Variants in CNTN5 observed in about 807,000 individuals in gnomAD.
CNTN5 encodes the protein contactin 5, also known as contactin-5.
Under a neutral mutation model 129.1 loss-of-function variants are expected in CNTN5, and 77 were observed. The ratio of observed to expected loss-of-function variants is 0.60; its 90% confidence interval spans 0.50 to 0.72. The LOEUF is 0.72. Among genes scored for constraint, CNTN5 ranks in the 30% least tolerant of loss-of-function variants. CNTN5 has a pLI of 0.00. For missense variants in CNTN5, 1,478 were observed against 1,328.8 expected, an observed-to-expected ratio of 1.11 and a Z score of -1.75; for synonymous variants, 509 against 465.6, an observed-to-expected ratio of 1.09 and a Z score of -1.20.
chr11:100,263,657 G>A (rs1228841525), intron 17 of CNTN5, among the ~76,000 whole-genome samples: 1 of 152,068 alleles, frequency 6.6e-6, no homozygotes, highest in Non-Finnish European at 1.5e-5. Flanking sequence ...GTTAATTCAG[G>A]AAGGACACAT....
intron 6 of CNTN5, among the ~76,000 whole-genome samples, chr11:99,861,320 A>C (rs1948201102): frequency 6.6e-6 from 1 of 152,048 alleles, no homozygotes. Flanking sequence ...CCTTGGAGAG[A>C]TCTTTCACCT....
intron 1 of CNTN5, among the ~76,000 whole-genome samples, chr11:99,226,261 G>A (rs1363698560): frequency 2.0e-5 from 3 of 152,156 alleles, no homozygotes; most frequent in Non-Finnish European, 4.4e-5. Context: ...AGCAAACTAA[G>A]AGACACTAAC....
intron 2 of CNTN5, among the ~76,000 whole-genome samples, chr11:99,349,293 C>T (rs547259760): frequency 6.6e-6 from 1 of 152,276 alleles, no homozygotes; most frequent in East Asian, 1.9e-4. Flanking sequence ...CAATACTCCT[C>T]CATAGTCATG....
At chr11:100,049,904 G>T (rs1942869078) in intron 9 of CNTN5, among the ~76,000 whole-genome samples, 1 of 152,142 alleles carries the variant, frequency 6.6e-6, no homozygotes, top group Non-Finnish European at 1.5e-5. Context: ...TCAGAGAAAT[G>T]CAAATCAAAA....
intron 16 of CNTN5, among the ~76,000 whole-genome samples, chr11:100,229,028 T>G (rs1000477513): frequency 6.6e-6 from 1 of 152,180 alleles, no homozygotes; most frequent in African/African-American, 2.4e-5. Flanking sequence ...TCGCAGATCT[T>G]GAACTACACA....
intron 1 of CNTN5, among the ~76,000 whole-genome samples, chr11:99,147,026 T>C (rs953319697): frequency 4.6e-5 from 7 of 152,126 alleles, no homozygotes; most frequent in African/African-American, 1.2e-4. Flanking sequence ...AAGCACTATA[T>C]TGAGGACAAA....
chr11:100,032,669 A>G lies in CNTN5; in HGVS notation c.981-28543A>G, dbSNP rs147724373. On this transcript the variant is annotated intron_variant, in intron 9 of 24. Transcript: ENST00000524871. ...CGTTGATGATATTTATTTGCCTCATAATGTCGTTTTTAAACACTCAATCTG... is the reference window on the plus strand; with the variant it reads ...CGTTGATGATATTTATTTGCCTCATGATGTCGTTTTTAAACACTCAATCTG... Among the ~76,000 whole-genome samples the G allele has an allele frequency of 2.1e-3, 319 of 152,226 alleles. 1 individual carries two copies. Among genetic ancestry groups the G allele is most frequent in the African/African-American group, 7.1e-3 (295 of 41,556 alleles).
At chr11:99,702,121 A>G (rs996627093) in intron 3 of CNTN5, among the ~76,000 whole-genome samples, 3 of 151,084 alleles carry the variant, frequency 2.0e-5, no homozygotes, top group Non-Finnish European at 4.5e-5. Flanking sequence ...CACAAAAACT[A>G]CCTTATCAAG....
chr11:99,093,102 A>G (rs1866321047), intron 1 of CNTN5, among the ~76,000 whole-genome samples: 1 of 152,068 alleles, frequency 6.6e-6, no homozygotes, highest in Admixed American at 6.5e-5. Context: ...GAGAGCACAT[A>G]TAGGAGGGAC....
In CNTN5 at chr11:99,034,605, C is replaced by T. The variant is rs1243671971; in HGVS notation, c.-210+13335C>T. Among the ~76,000 whole-genome samples, 5 of 151,284 alleles carry T rather than the reference C, an allele frequency of 3.3e-5. 1 individual carries two copies. The highest frequency in any genetic ancestry group is 6.8e-3 in the Middle Eastern group (2 of 294). ...ATGGTAGTTTGTATTTCTGTGGGATCGGTGGTGATAACCCCTTTATCATTT... is the reference window on the plus strand; with the variant it reads ...ATGGTAGTTTGTATTTCTGTGGGATTGGTGGTGATAACCCCTTTATCATTT... On this transcript the variant is annotated intron_variant, in intron 1 of 24. Transcript: ENST00000524871.
intron 7 of CNTN5, among the ~76,000 whole-genome samples, chr11:99,919,102 A>G (rs1949868897): frequency 6.6e-6 from 1 of 152,130 alleles, no homozygotes; most frequent in Non-Finnish European, 1.5e-5. Context: ...TCATGACCAG[A>G]CTTGGGAGCA....
intron 1 of CNTN5, among the ~76,000 whole-genome samples, chr11:99,182,284 C>T (rs1858116939): frequency 6.6e-6 from 1 of 152,092 alleles, no homozygotes; most frequent in Non-Finnish European, 1.5e-5. Flanking sequence ...GAAGTAAATG[C>T]TGCTTTCATT....
chr11:100,121,044 G>A (rs1946003593), intron 13 of CNTN5, among the ~76,000 whole-genome samples: 1 of 151,780 alleles, frequency 6.6e-6, no homozygotes, highest in Non-Finnish European at 1.5e-5. Flanking sequence ...GGAGAAAAAG[G>A]CATACAAATG....
intron 9 of CNTN5, among the ~76,000 whole-genome samples, chr11:100,020,984 G>A (rs1941108612): frequency 6.6e-6 from 1 of 152,066 alleles, no homozygotes; most frequent in African/African-American, 2.4e-5. Flanking sequence ...TTGTTAAAAT[G>A]TCCGTACTGC....
chr11:100,113,204 G>C (rs1565252773), intron 13 of CNTN5, among the ~76,000 whole-genome samples: 1 of 151,690 alleles, frequency 6.6e-6, no homozygotes, highest in Non-Finnish European at 1.5e-5. Context: ...TGTAGCTAGT[G>C]CCACAGAGGA....
chr11:99,899,766 C>G (rs564701799), intron 6 of CNTN5, among the ~76,000 whole-genome samples: 26 of 152,098 alleles, frequency 1.7e-4, no homozygotes, highest in Non-Finnish European at 5.9e-5. Flanking sequence ...GAAGACATTC[C>G]TTCTCCTTGA....
At chr11:99,582,211 G>T (rs1337582556) in intron 3 of CNTN5, among the ~76,000 whole-genome samples, 3 of 152,140 alleles carry the variant, frequency 2.0e-5, no homozygotes, top group Non-Finnish European at 2.9e-5. Flanking sequence ...AGTCTGATGG[G>T]CTTCCATTTG....
chr11:99,227,204 C>T (rs572386665), intron 1 of CNTN5, among the ~76,000 whole-genome samples: 16 of 151,706 alleles, frequency 1.1e-4, no homozygotes, highest in African/African-American at 3.9e-4. Flanking sequence ...ACTAAAAATA[C>T]AAAAAATTAG....
chr11:99,491,345 A>G (rs1555004679), intron 2 of CNTN5, among the ~76,000 whole-genome samples: 1 of 152,120 alleles, frequency 6.6e-6, no homozygotes, highest in Non-Finnish European at 1.5e-5. Context: ...CATAGTAATA[A>G]GATTGCTAAC....
Sources: allele counts gnomAD v4.1 joint callset (sites outside exome capture counted in the v4.1 genomes callset), GRCh38; gene constraint gnomAD v4.1.1; transcripts MANE v1.5; gene names NCBI Gene and HGNC (gene_info 2026-07-23, HGNC 2026-07-21).